ZDHHC14: variants seen among roughly 807,000 people sequenced by gnomAD.
ZDHHC14 encodes the protein palmitoyltransferase ZDHHC14.
ZDHHC14 carries 16 observed loss-of-function variants against 47.7 expected under a neutral mutation model. The observed-to-expected ratio is 0.34, with a 90% CI of 0.23 to 0.51. ZDHHC14 has a LOEUF of 0.51. ZDHHC14 is among the 20% of genes least tolerant of loss of function. ZDHHC14 has a pLI of 0.97. For missense variants in ZDHHC14, 515 were observed against 662.5 expected (o/e 0.78, Z 2.44); for synonymous variants, 293 against 278.9 (o/e 1.05, Z -0.50).
chr6:157,522,965 CTTTTCTTTTCTTTTCTT>C (rs1325344225), intron 1 of ZDHHC14, among the ~76,000 whole-genome samples: 1 of 27,272 alleles, frequency 3.7e-5, no homozygotes, highest in Non-Finnish European at 6.9e-5. Flanking sequence ...TTCCTTCTTT[CTTTTCTTTTCTTTTCTT>C]TTTCTTTTCT....
At position 157,427,115 on chromosome 6, in the gene ZDHHC14, G is replaced by A. The variant is rs1252240716; in HGVS notation, c.245+44849G>A. On this transcript the variant is annotated intron_variant, in intron 1 of 8. Transcript: ENST00000359775. This position sits in a 1 kb window ranked among gnomAD's most constrained non-coding sequence, Gnocchi z 4.4. ...AGGGAGAAGAGAGGGAAGGAAGAGGGCGTGCAGGGCGGAGGGACAAGGCTC... is the reference window on the plus strand; with the variant it reads ...AGGGAGAAGAGAGGGAAGGAAGAGGACGTGCAGGGCGGAGGGACAAGGCTC... 2.6e-5 allele frequency among the ~76,000 whole-genome samples: 4 copies of A among 152,012 alleles called. No homozygotes were observed. The highest frequency in any genetic ancestry group is 4.4e-5 in the Non-Finnish European group (3 of 67,984).
intron 1 of ZDHHC14, among the ~76,000 whole-genome samples, chr6:157,424,681 A>T (rs891132678): frequency 2.6e-5 from 4 of 152,208 alleles, no homozygotes; most frequent in Admixed American, 2.0e-4. Context: ...TGATTTTAGT[A>T]ACATGGGGAT....
In ZDHHC14 at chr6:157,593,141, G is replaced by T. The variant is rs765170870; in HGVS notation, c.560G>T (p.Cys187Phe). 1 of 1,611,886 alleles carries T rather than the reference G, an allele frequency of 6.2e-7. No individual in the cohort carries two copies. Residue 187 changes from cysteine to phenylalanine, a missense_variant, in exon 3 of 9, where the codon TGC (cysteine) becomes TTC (phenylalanine). Around this residue, in one of 4 missense-constraint regions of ZDHHC14, gnomAD observed 229 missense variants for 351.5 expected, o/e 0.65. Coordinates refer to ENST00000359775, the MANE Select transcript of ZDHHC14 (RefSeq NM_024630.3). The stretch of plus-strand genomic sequence containing the variant: ...TCCCATTGCAGCCTTTGTGATAACT[G>T]CGTAGGTGAGTAGTGCCTGGGCGGA... Reference protein sequence around the residue: ...RASHCSLCDNCVERFDHHCPW... With the variant: ...RASHCSLCDNFVERFDHHCPW...
At chr6:157,451,611 A>C (rs1778803537) in intron 1 of ZDHHC14, among the ~76,000 whole-genome samples, 2 of 152,172 alleles carry the variant, frequency 1.3e-5, no homozygotes. Flanking sequence ...CCCAGGCTGG[A>C]GGGCAGTGGC....
At chr6:157,627,279 G>A (rs1200682920) in intron 3 of ZDHHC14, among the ~76,000 whole-genome samples, 6 of 152,030 alleles carry the variant, frequency 3.9e-5, no homozygotes, top group Admixed American at 1.3e-4. Context: ...TAGCACTCCC[G>A]GTATATTTTC....
Position 157,564,983 on chromosome 6 carries a change from G to A in ZDHHC14, c.406+22238G>A, listed in dbSNP as rs533285130. Among the ~76,000 whole-genome samples the A allele has an allele frequency of 7.2e-4, 109 of 152,308 alleles. 2 individuals carry two copies. Among genetic ancestry groups the A allele is most frequent in the African/African-American group, 2.4e-3 (100 of 41,564 alleles). On this transcript the variant is annotated intron_variant, in intron 2 of 8. Transcript: ENST00000359775. ...ATTTGGGCCGGGCATGGTGGCTCAC[G>A]CCTGCAATTCTAGCACTTTGGGAGG...
intron 1 of ZDHHC14, among the ~76,000 whole-genome samples, chr6:157,385,872 C>T (rs1473659728): frequency 6.6e-6 from 1 of 152,192 alleles, no homozygotes; most frequent in Non-Finnish European, 1.5e-5. Flanking sequence ...AGCACTATAA[C>T]CCTGGGCAAA....
intron 2 of ZDHHC14, among the ~76,000 whole-genome samples, chr6:157,550,808 G>A (rs1328703556): frequency 6.6e-6 from 1 of 152,218 alleles, no homozygotes; most frequent in African/African-American, 2.4e-5. Context: ...TTCTCTTACT[G>A]CACCAATGTC....
At chr6:157,578,948 T>A (rs1347125067) in intron 2 of ZDHHC14, among the ~76,000 whole-genome samples, 1 of 152,230 alleles carries the variant, frequency 6.6e-6, no homozygotes, top group Non-Finnish European at 1.5e-5. Flanking sequence ...TTTATACCAG[T>A]ACCATGTTGT....
intron 1 of ZDHHC14, among the ~76,000 whole-genome samples, chr6:157,441,869 A>C (rs1309219586): frequency 6.6e-6 from 1 of 152,128 alleles, no homozygotes; most frequent in Non-Finnish European, 1.5e-5. Flanking sequence ...AATATTCCTT[A>C]GTCCATGTGT....
At chr6:157,389,165 CTT>C (rs1187661720) in intron 1 of ZDHHC14, among the ~76,000 whole-genome samples, 1 of 152,106 alleles carries the variant, frequency 6.6e-6, no homozygotes, top group Admixed American at 6.6e-5. Context: ...GATGGCCTAA[CTT>C]TTATTTTGAA....
At chr6:157,542,135 T>C (rs1781787988) in intron 1 of ZDHHC14, among the ~76,000 whole-genome samples, 1 of 152,226 alleles carries the variant, frequency 6.6e-6, no homozygotes, top group South Asian at 2.1e-4. Context: ...CCGAGTCATT[T>C]GACCCAAGTG....
At chr6:157,594,554 C>T (rs937743223) in intron 3 of ZDHHC14, among the ~76,000 whole-genome samples, 1 of 152,216 alleles carries the variant, frequency 6.6e-6, no homozygotes, top group African/African-American at 2.4e-5. Context: ...GTGGAAAGTG[C>T]CTGGCATGTA....
chr6:157,602,770 T>TGGG (rs1784386019), intron 3 of ZDHHC14, among the ~76,000 whole-genome samples: 1 of 152,208 alleles, frequency 6.6e-6, no homozygotes, highest in Non-Finnish European at 1.5e-5. Flanking sequence ...GGATGCTTCC[T>TGGG]CTGAGCTTTC....
At chr6:157,395,313 A>G (rs1367539070) in intron 1 of ZDHHC14, among the ~76,000 whole-genome samples, 2 of 145,484 alleles carry the variant, frequency 1.4e-5, no homozygotes, top group Non-Finnish European at 3.0e-5. Context: ...GGCACACACC[A>G]CCACACCTAG....
At chr6:157,438,725 T>A (rs1316204629) in intron 1 of ZDHHC14, among the ~76,000 whole-genome samples, 2 of 152,256 alleles carry the variant, frequency 1.3e-5, no homozygotes, top group South Asian at 4.1e-4. Flanking sequence ...GGCATTGTTT[T>A]TGAAATCCGA....
At chr6:157,627,094 T>C (rs1303207479) in intron 3 of ZDHHC14, among the ~76,000 whole-genome samples, 1 of 152,164 alleles carries the variant, frequency 6.6e-6, no homozygotes, top group Non-Finnish European at 1.5e-5. Flanking sequence ...AATGATTATC[T>C]TGCACTTCCT....
rs978964066 is a variant in ZDHHC14 at position 157,586,670 on chromosome 6, C to T, written c.407-6318C>T. 2.0e-5 allele frequency among the ~76,000 whole-genome samples: 3 copies of T among 151,612 alleles called. No individual in the cohort carries two copies. Among genetic ancestry groups the T allele is most frequent in the African/African-American group, 7.2e-5 (3 of 41,398 alleles). ...AGCCCAGCAGAGCCCTCCCAGGACC[C>T]CAGCGGCCCTCGGCAACCCCTGGTG... On this transcript the variant is annotated intron_variant, in intron 2 of 8. Transcript: ENST00000359775. The surrounding 1 kb of genome is among the most constrained non-coding windows in gnomAD (Gnocchi z 4.6).
At position 157,578,133 on chromosome 6, in the gene ZDHHC14, A is replaced by G. The variant is rs573837028; in HGVS notation, c.407-14855A>G. Among the ~76,000 whole-genome samples the G allele has an allele frequency of 6.6e-5, 10 of 152,078 alleles. No individual in the cohort carries two copies. In the South Asian group the frequency reaches 2.1e-3, roughly 32 times the overall value. On this transcript the variant is annotated intron_variant, in intron 2 of 8. Transcript: ENST00000359775. Reference sequence around the variant, plus strand: ...GCCTAGTTTGCACATATTTTCTCCAATTCTGTAGGTTGTCTGTTTAGTCTG... The same window carrying G: ...GCCTAGTTTGCACATATTTTCTCCAGTTCTGTAGGTTGTCTGTTTAGTCTG...
Sources: allele counts gnomAD v4.1 joint callset (sites outside exome capture counted in the v4.1 genomes callset), GRCh38; gene constraint gnomAD v4.1.1; regional missense constraint gnomAD v4.1.1; non-coding constraint Gnocchi (gnomAD v3.1); transcripts MANE v1.5; gene names NCBI Gene and HGNC (gene_info 2026-07-23, HGNC 2026-07-21).